CLEC16A: variants seen among roughly 807,000 people sequenced by gnomAD.
CLEC16A encodes protein CLEC16A.
A neutral mutation model predicts 109.5 loss-of-function variants in CLEC16A; 51 were observed. The ratio of observed to expected loss-of-function variants is 0.47; its 90% confidence interval spans 0.37 to 0.59. CLEC16A has a LOEUF of 0.59. Among genes scored for constraint, CLEC16A ranks in the 20% least tolerant of loss-of-function variants. The pLI, the probability that CLEC16A is intolerant of heterozygous loss-of-function variation, is 0.00. For synonymous variants in CLEC16A, 673 were observed against 564.2 expected (o/e 1.19, Z -2.73); for missense variants, 1,339 against 1,394.0 (o/e 0.96, Z 0.63).
intron 19 of CLEC16A, among the ~76,000 whole-genome samples, chr16:11,108,567 C>T (rs966420459): frequency 7.9e-5 from 12 of 152,242 alleles, no homozygotes; most frequent in Non-Finnish European, 1.6e-4. Flanking sequence ...TCTCTGGCCT[C>T]AGCCAGGGGA....
chr16:11,126,185 C>T, intron 22 of CLEC16A, 39 bp downstream of exon 22: 1 of 1,612,836 alleles, frequency 6.2e-7, no homozygotes, highest in Non-Finnish European at 8.5e-7. Context: ...GCTCGTTCAT[C>T]ATGGTGGGCG....
chr16:11,022,202 A>G (rs748913873), intron 12 of CLEC16A, among the ~76,000 whole-genome samples: 9 of 152,164 alleles, frequency 5.9e-5, no homozygotes, highest in Non-Finnish European at 1.2e-4. Flanking sequence ...GCCGGGTTAG[A>G]GACTGGCCCA....
At chr16:10,974,464 G>C (rs374305464) in intron 7 of CLEC16A, among the ~76,000 whole-genome samples, 1 of 152,128 alleles carries the variant, frequency 6.6e-6, no homozygotes. Flanking sequence ...ACCATTGTTG[G>C]GGGGGCTGTC....
chr16:11,094,567 G>C (rs1338307693), intron 19 of CLEC16A, among the ~76,000 whole-genome samples: 1 of 152,190 alleles, frequency 6.6e-6, no homozygotes, highest in Non-Finnish European at 1.5e-5. Flanking sequence ...ACTTTTTCCA[G>C]GCCACATCAG....
At chr16:11,116,090 A>G (rs1333560845) in intron 19 of CLEC16A, among the ~76,000 whole-genome samples, 3 of 152,020 alleles carry the variant, frequency 2.0e-5, no homozygotes, top group Admixed American at 1.3e-4. Flanking sequence ...TGCTGTAGAT[A>G]ATAAGAAAGC....
intron 19 of CLEC16A, among the ~76,000 whole-genome samples, chr16:11,073,206 C>G (rs1829747163): frequency 6.6e-6 from 1 of 152,156 alleles, no homozygotes; most frequent in Non-Finnish European, 1.5e-5. Flanking sequence ...GTTCTCTGCC[C>G]CCACCCCCGG....
Position 10,971,169 on chromosome 16 carries a change from C to A in CLEC16A, c.537C>A (p.Phe179Leu). The A allele has an allele frequency of 6.2e-7, 1 of 1,613,822 alleles. No homozygotes were observed. The highest frequency in any genetic ancestry group is 8.5e-7 in the Non-Finnish European group (1 of 1,179,744). Residue 179 changes from phenylalanine (F) to leucine (L), a missense_variant, in exon 5 of 24, where the codon TTC (phenylalanine) becomes TTA (leucine). Around this residue, in one of 3 missense-constraint regions of CLEC16A, gnomAD observed 161 missense variants for 267.1 expected, o/e 0.60. Transcript: ENST00000409790. The part of the protein sequence containing the change: ...FALYTEAIKF[F>L]NHPESMVRIA... Reference sequence around the variant, plus strand: ...TGTACACAGAAGCCATCAAGTTTTTCAACCACCCTGAAAGCATGGTTAGAA... The same window carrying A: ...TGTACACAGAAGCCATCAAGTTTTTAAACCACCCTGAAAGCATGGTTAGAA...
intron 19 of CLEC16A, among the ~76,000 whole-genome samples, chr16:11,117,629 A>T (rs1263860693): frequency 6.6e-6 from 1 of 152,200 alleles, no homozygotes; most frequent in Non-Finnish European, 1.5e-5. Context: ...GACATAGAAT[A>T]AAAATGAAAG....
chr16:11,051,405 C>A, intron 17 of CLEC16A, 108 bp from the exon 18 acceptor site: 1 of 1,136,682 alleles, frequency 8.8e-7, no homozygotes, highest in Non-Finnish European at 1.3e-6. Flanking sequence ...CACTCATTTA[C>A]ATTTACTAAA....
At chr16:11,165,559 G>A (rs2068224448) in intron 22 of CLEC16A, among the ~76,000 whole-genome samples, 1 of 152,180 alleles carries the variant, frequency 6.6e-6, no homozygotes. Flanking sequence ...TCTGGGGTGT[G>A]ATAATAGTTC....
intron 12 of CLEC16A, chr16:11,024,216 C>CT (rs1263813308): frequency 4.6e-5 from 7 of 152,870 alleles, no homozygotes; most frequent in African/African-American, 1.7e-4. Flanking sequence ...GTGCTAAATG[C>CT]TTTTCAGTCT....
chr16:11,095,981 C>T (rs1398749116), intron 19 of CLEC16A, among the ~76,000 whole-genome samples: 2 of 152,170 alleles, frequency 1.3e-5, no homozygotes, highest in Non-Finnish European at 2.9e-5. Context: ...CACACCATCA[C>T]ACCCAGCCAT....
chr16:10,982,125 A>G (rs2043356179), intron 9 of CLEC16A, among the ~76,000 whole-genome samples: 1 of 152,228 alleles, frequency 6.6e-6, no homozygotes, highest in African/African-American at 2.4e-5. Context: ...TTGCCTTTAC[A>G]TTTTAAAACA....
intron 1 of CLEC16A, among the ~76,000 whole-genome samples, chr16:10,951,509 G>A (rs1467751981): frequency 6.6e-6 from 1 of 152,136 alleles, no homozygotes; most frequent in Non-Finnish European, 1.5e-5. Context: ...TAATCATGGG[G>A]TCTGGAGTTC....
At chr16:11,149,462 T>C (rs535491175) in intron 22 of CLEC16A, among the ~76,000 whole-genome samples, 6 of 151,952 alleles carry the variant, frequency 3.9e-5, no homozygotes, top group East Asian at 3.9e-4. Context: ...CTTTCTCTCA[T>C]TTAAAAAAAA....
intron 22 of CLEC16A, among the ~76,000 whole-genome samples, chr16:11,134,192 T>TC (rs1462149899): frequency 1.3e-5 from 2 of 151,274 alleles, no homozygotes; most frequent in East Asian, 3.9e-4. Context: ...ATTTTTTTTT[T>TC]TTTTTTTTTT....
chr16:11,110,886 C>G lies in CLEC16A; in HGVS notation c.2117-9729C>G, dbSNP rs565613220. The stretch of plus-strand genomic sequence containing the variant: ...TGCACAGTGCTAAAGCTCAAGTTGC[C>G]GTGATACTGCTCTTCATGGTAACAG... On this transcript the variant is annotated intron_variant, in intron 19 of 23. Coordinates refer to ENST00000409790, the MANE Select transcript of CLEC16A (RefSeq NM_015226.3). 2.0e-5 allele frequency among the ~76,000 whole-genome samples: 3 copies of G among 152,328 alleles called. No individual in the cohort carries two copies. The South Asian group carries it at 6.2e-4, about 32-fold the overall frequency.
chr16:10,995,303 GA>G (rs1260478273), intron 10 of CLEC16A, among the ~76,000 whole-genome samples: 1 of 152,234 alleles, frequency 6.6e-6, no homozygotes, highest in Non-Finnish European at 1.5e-5. Context: ...AGCCAGGACT[GA>G]AACCACGGTG....
chr16:11,017,128 G>A (rs958296538), intron 11 of CLEC16A, among the ~76,000 whole-genome samples: 2 of 152,166 alleles, frequency 1.3e-5, no homozygotes, highest in African/African-American at 2.4e-5. Context: ...ATTGATCACA[G>A]ACTTTGTCGG....
Sources: gnomAD v4.1 joint callset for allele counts (sites outside exome capture counted in the v4.1 genomes callset) on GRCh38, gnomAD v4.1.1 for gene constraint, gnomAD v4.1.1 regional missense constraint, MANE v1.5 for transcripts, NCBI Gene and HGNC (gene_info 2026-07-23, HGNC 2026-07-21) for gene names.